ABCA12: variants seen among roughly 807,000 people sequenced by gnomAD.
ABCA12 encodes the protein ATP binding cassette subfamily A member 12, also known as glucosylceramide transporter ABCA12.
In ABCA12, 156 loss-of-function variants were observed where a neutral mutation model predicts 293.5. The observed-to-expected ratio is 0.53, with a 90% CI of 0.47 to 0.61. ABCA12 has a LOEUF of 0.61. ABCA12 is among the 20% of genes least tolerant of loss of function. The pLI, the probability that ABCA12 is intolerant of heterozygous loss-of-function variation, is 0.00. For missense variants in ABCA12, 2,797 were observed against 3,090.2 expected (o/e 0.91, Z 2.25); for synonymous variants, 1,063 against 1,108.0 (o/e 0.96, Z 0.81).
chr2:215,049,694 T>G lies in ABCA12; in HGVS notation c.625A>C (p.Lys209Gln), dbSNP rs949576201. 2.5e-6 allele frequency: 4 copies of G among 1,613,674 alleles called. No individual in the cohort carries two copies. The highest frequency in any genetic ancestry group is 3.4e-6 in the Non-Finnish European group (4 of 1,179,760). Residue 209 changes from lysine to glutamine, a missense_variant, in exon 6 of 53, where the codon AAA becomes CAA. By Grantham distance (53) the Lys-to-Gln change is moderately conservative. Coordinates refer to ENST00000272895, the MANE Select transcript of ABCA12 (RefSeq NM_173076.3). ...AGGGTCATGTTAGAAAGGCAAAATT[T>G]GTTAAAAACATTTCTTCCTAGAAAG... ...WTFLGRNVFN[K>Q]FCLSNMTLLE... is the part of the protein sequence containing the mutation.
At chr2:215,125,604 C>T (rs974415127) in intron 1 of ABCA12, among the ~76,000 whole-genome samples, 3 of 151,924 alleles carry the variant, frequency 2.0e-5, no homozygotes, top group African/African-American at 7.2e-5. Context: ...TGTTTGGTCG[C>T]TGTTGGTGTA....
At chr2:215,116,459 T>C (rs543554556) in intron 1 of ABCA12, among the ~76,000 whole-genome samples, 13 of 152,256 alleles carry the variant, frequency 8.5e-5, no homozygotes, top group African/African-American at 2.9e-4. Context: ...GGTAGATAGA[T>C]TGATAGAAGG....
chr2:215,092,676 T>C (rs1479076716), intron 2 of ABCA12, among the ~76,000 whole-genome samples: 2 of 152,114 alleles, frequency 1.3e-5, no homozygotes, highest in Admixed American at 1.3e-4. Flanking sequence ...AACTCTCCTA[T>C]CCTACCTGTC....
intron 47 of ABCA12, chr2:214,947,920 C>G (rs1698633163): frequency 3.3e-6 from 1 of 300,700 alleles, no homozygotes. Context: ...GACTGTTACC[C>G]CTGCGTCCTC....
In ABCA12 at chr2:214,990,814, T is replaced by G. The variant is rs1325890441; in HGVS notation, c.3512A>C (p.Asn1171Thr). 2 of 1,614,086 alleles carry G rather than the reference T, an allele frequency of 1.2e-6. No homozygotes were observed. Among genetic ancestry groups the G allele is most frequent in the East Asian group, 2.2e-5 (1 of 44,870 alleles). ...MSYLISVFFNNTNIAALIGSL... is the reference protein window; with the variant it reads ...MSYLISVFFNTTNIAALIGSL... ...TCCGATCAGAGCTGCAATGTTGGTG[T>G]TGTTGAAGAAGACACTGATAAGATA... The change falls in exon 24 of 53, where the codon AAC becomes ACC. Residue 1171 changes from asparagine to threonine, a missense_variant. Asn to Thr is a moderately conservative substitution (Grantham distance 65). Around this residue, in one of 3 missense-constraint regions of ABCA12, gnomAD observed 2,130 missense variants for 2,427.0 expected, o/e 0.88. Coordinates refer to ENST00000272895, the MANE Select transcript of ABCA12 (RefSeq NM_173076.3).
At chr2:214,973,446 C>T (rs1699432590) in intron 36 of ABCA12, among the ~76,000 whole-genome samples, 2 of 152,130 alleles carry the variant, frequency 1.3e-5, no homozygotes, top group Admixed American at 1.3e-4. Context: ...CTAAGGTCCG[C>T]ATCAATAGAA....
chr2:215,015,755 A>G (rs1302582537), intron 14 of ABCA12, 92 bp from the exon 15 acceptor site: 2 of 1,209,250 alleles, frequency 1.7e-6, no homozygotes, highest in Non-Finnish European at 1.2e-6. Context: ...CTAAATTTTA[A>G]ACTAAAACAA....
intron 39 of ABCA12, among the ~76,000 whole-genome samples, chr2:214,965,093 C>T (rs1009265669): frequency 6.6e-6 from 1 of 152,110 alleles, no homozygotes; most frequent in Non-Finnish European, 1.5e-5. Context: ...ACCATCTGAT[C>T]TCTGACAAAC....
intron 2 of ABCA12, chr2:215,085,381 A>G (rs1223161586): frequency 1.3e-5 from 2 of 152,044 alleles, no homozygotes; most frequent in Non-Finnish European, 2.9e-5. Flanking sequence ...CCTGGTTCCA[A>G]CTCTACCACC....
chr2:215,055,393 AGTTT>A (rs1390254802), intron 3 of ABCA12, among the ~76,000 whole-genome samples: 1 of 151,996 alleles, frequency 6.6e-6, no homozygotes, highest in Non-Finnish European at 1.5e-5. Context: ...CTTTTTGTTT[AGTTT>A]GTTATTAAAA....
intron 1 of ABCA12, among the ~76,000 whole-genome samples, chr2:215,124,266 T>C (rs565011409): frequency 6.6e-6 from 1 of 152,352 alleles, no homozygotes; most frequent in South Asian, 2.1e-4. Flanking sequence ...ATTGTGCTTC[T>C]ATAAACGTGT....
chr2:214,992,812 G>A (rs1699948129), intron 23 of ABCA12, among the ~76,000 whole-genome samples: 1 of 151,968 alleles, frequency 6.6e-6, no homozygotes. Context: ...AGTGAGCCGA[G>A]ATCATGCCAC....
At chr2:215,038,935 C>G (rs1390723481) in intron 7 of ABCA12, 1 of 152,142 alleles carries the variant, frequency 6.6e-6, no homozygotes. Context: ...ATTTATTTTA[C>G]TTCATAGATT....
intron 20 of ABCA12, 31 bp downstream of exon 20, chr2:215,004,178 A>C (rs755990911): frequency 1.3e-6 from 2 of 1,558,344 alleles, no homozygotes; most frequent in Non-Finnish European, 1.8e-6. Flanking sequence ...GACATGACTC[A>C]TGAATAAAAG....
At chr2:215,112,075 A>G (rs1208326012) in intron 1 of ABCA12, among the ~76,000 whole-genome samples, 1 of 152,196 alleles carries the variant, frequency 6.6e-6, no homozygotes, top group Admixed American at 6.5e-5. Flanking sequence ...TACAAAACCC[A>G]AAATAATTTC....
chr2:214,950,592 C>T (rs1464488361), intron 45 of ABCA12, among the ~76,000 whole-genome samples: 4 of 151,008 alleles, frequency 2.6e-5, no homozygotes, highest in East Asian at 2.0e-4. Flanking sequence ...GCAGCCTCCA[C>T]GACCCAGGTT....
At chr2:215,108,508 C>G (rs1458038845) in intron 2 of ABCA12, among the ~76,000 whole-genome samples, 1 of 152,104 alleles carries the variant, frequency 6.6e-6, no homozygotes, top group Non-Finnish European at 1.5e-5. Context: ...CACTTATTAA[C>G]GGTACCATCT....
At chr2:215,100,005 T>TCC (rs1472078526) in intron 2 of ABCA12, among the ~76,000 whole-genome samples, 1 of 140,986 alleles carries the variant, frequency 7.1e-6, no homozygotes, top group Non-Finnish European at 1.5e-5. Flanking sequence ...TTGATCTCTC[T>TCC]CTCTCTCTCT....
At chr2:215,083,101 C>G (rs1381955756) in intron 2 of ABCA12, among the ~76,000 whole-genome samples, 1 of 152,190 alleles carries the variant, frequency 6.6e-6, no homozygotes, top group Non-Finnish European at 1.5e-5. Flanking sequence ...AACCTCTTCC[C>G]TAACTTGGCT....
Sources: allele counts gnomAD v4.1 joint callset (sites outside exome capture counted in the v4.1 genomes callset), GRCh38; gene constraint gnomAD v4.1.1; regional missense constraint gnomAD v4.1.1; transcripts MANE v1.5; gene names NCBI Gene and HGNC (gene_info 2026-07-23, HGNC 2026-07-21).